Variants in LRP1B observed in about 807,000 individuals in gnomAD.
The protein encoded by LRP1B is low-density lipoprotein receptor-related protein 1B.
In LRP1B, 217 loss-of-function variants were observed where a neutral mutation model predicts 556.6. That is an observed-to-expected ratio of 0.39 (90% CI 0.35 to 0.44). The LOEUF (loss-of-function observed/expected upper bound fraction) is 0.44, where lower values mean the gene tolerates loss of function less well. LRP1B is among the 20% of genes least tolerant of loss of function. The pLI is 1.00. For synonymous variants in LRP1B, 2,047 were observed against 1,865.8 expected (o/e 1.10, Z -2.50); for missense variants, 5,053 against 5,620.8 (o/e 0.90, Z 3.23).
intron 47 of LRP1B, 27 bp from the exon 48 acceptor site, chr2:140,526,377 G>C (rs767241951): frequency 1.6e-6 from 2 of 1,271,284 alleles, no homozygotes; most frequent in Non-Finnish European, 2.3e-6. Context: ...ATAAACAAAT[G>C]CAAAGATGGG....
chr2:141,621,724 G>C, intron 2 of LRP1B, among the ~76,000 whole-genome samples: 1 of 152,164 alleles, frequency 6.6e-6, no homozygotes, highest in South Asian at 2.1e-4. Flanking sequence ...TTTTGTCAGA[G>C]ATATTTCTTT....
At chr2:140,257,781 G>A (rs541886525) in intron 86 of LRP1B, among the ~76,000 whole-genome samples, 2 of 152,284 alleles carry the variant, frequency 1.3e-5, no homozygotes, top group South Asian at 4.1e-4. Flanking sequence ...TTGAAATGTG[G>A]ACAACACTGG....
At chr2:141,687,568 G>C (rs1361723851) in intron 2 of LRP1B, among the ~76,000 whole-genome samples, 2 of 151,942 alleles carry the variant, frequency 1.3e-5, no homozygotes, top group Admixed American at 1.3e-4. Flanking sequence ...AGAGTCAGTT[G>C]AATAAAAGTT....
intron 1 of LRP1B, among the ~76,000 whole-genome samples, chr2:141,858,810 T>C (rs996831323): frequency 6.6e-6 from 1 of 152,188 alleles, no homozygotes; most frequent in Non-Finnish European, 1.5e-5. Flanking sequence ...ATAAGGAATC[T>C]GATGCTCTAA....
intron 52 of LRP1B, among the ~76,000 whole-genome samples, chr2:140,508,151 T>C (rs140297090): frequency 5.3e-5 from 8 of 152,110 alleles, no homozygotes; most frequent in Non-Finnish European, 2.9e-5. Flanking sequence ...AAAACTTAGG[T>C]GCCTTCTATT....
At chr2:140,255,148 ACC>A (rs1681620556) in intron 86 of LRP1B, among the ~76,000 whole-genome samples, 1 of 152,198 alleles carries the variant, frequency 6.6e-6, no homozygotes, top group Non-Finnish European at 1.5e-5. Context: ...TAAAACTCTT[ACC>A]AGATTTGTTT....
chr2:142,111,645 C>T (rs767584506), intron 1 of LRP1B, among the ~76,000 whole-genome samples: 15 of 152,036 alleles, frequency 9.9e-5, no homozygotes, highest in Non-Finnish European at 2.1e-4. Flanking sequence ...TATTAAACAA[C>T]CAAACAAGCA....
At chr2:141,148,357 C>T (rs1472557204) in intron 7 of LRP1B, among the ~76,000 whole-genome samples, 3 of 151,470 alleles carry the variant, frequency 2.0e-5, no homozygotes, top group African/African-American at 7.3e-5. Context: ...TGTAGATAGG[C>T]AATAATCAAT....
chr2:142,091,913 C>T (rs1706187401), intron 1 of LRP1B, among the ~76,000 whole-genome samples: 1 of 152,166 alleles, frequency 6.6e-6, no homozygotes, highest in Admixed American at 6.5e-5. Flanking sequence ...AAGGAGAGAG[C>T]TACCCTAGAC....
intron 25 of LRP1B, among the ~76,000 whole-genome samples, chr2:140,876,007 A>G (rs1416901068): frequency 6.6e-6 from 1 of 152,106 alleles, no homozygotes; most frequent in Non-Finnish European, 1.5e-5. Flanking sequence ...TCTCTTTAGA[A>G]GGTGGTTTTA....
chr2:140,943,156 T>G (rs1163128049), intron 20 of LRP1B, among the ~76,000 whole-genome samples: 1 of 152,086 alleles, frequency 6.6e-6, no homozygotes, highest in Admixed American at 6.6e-5. Flanking sequence ...TAAAATAGAC[T>G]TTAAACCAGC....
chr2:141,442,836 G>A (rs1681035265), intron 3 of LRP1B, among the ~76,000 whole-genome samples: 1 of 152,026 alleles, frequency 6.6e-6, no homozygotes, highest in African/African-American at 2.4e-5. Flanking sequence ...AAATTGACGG[G>A]CATTTGGGTT....
intron 3 of LRP1B, among the ~76,000 whole-genome samples, chr2:141,438,347 TC>T (rs1468231109): frequency 8.5e-5 from 13 of 152,144 alleles, no homozygotes; most frequent in African/African-American, 3.1e-4. Context: ...ATTCACTCAC[TC>T]ACTCATTCAT....
At chr2:140,376,332 G>A (rs1683227844) in intron 68 of LRP1B, among the ~76,000 whole-genome samples, 1 of 152,120 alleles carries the variant, frequency 6.6e-6, no homozygotes, top group Non-Finnish European at 1.5e-5. Flanking sequence ...TTGTGAATAT[G>A]ATTCAAGATA....
At chr2:140,388,225 C>A (rs1275018948) in intron 66 of LRP1B, among the ~76,000 whole-genome samples, 1 of 152,106 alleles carries the variant, frequency 6.6e-6, no homozygotes, top group Non-Finnish European at 1.5e-5. Flanking sequence ...GCGTGAGCCA[C>A]CATGCCTGGC....
At chr2:140,539,823 G>A (rs560697164) in intron 45 of LRP1B, among the ~76,000 whole-genome samples, 14 of 152,218 alleles carry the variant, frequency 9.2e-5, no homozygotes, top group African/African-American at 3.1e-4. Flanking sequence ...TTTGTGGCCC[G>A]AAATATGGAA....
intron 3 of LRP1B, among the ~76,000 whole-genome samples, chr2:141,302,721 T>C (rs916460922): frequency 6.6e-6 from 1 of 152,082 alleles, no homozygotes; most frequent in African/African-American, 2.4e-5. Flanking sequence ...AAAAAACAAA[T>C]AATACAAGTG....
At chr2:140,527,763 T>C (rs1352042) in intron 47 of LRP1B, among the ~76,000 whole-genome samples, 115,577 of 151,646 alleles carry the variant, frequency 0.76, 44,354 homozygotes, top group East Asian at 0.9. Context: ...TTTTTTTCAA[T>C]AGAAATAGTA....
At chr2:141,008,434 T>C (rs1486155394) in intron 14 of LRP1B, among the ~76,000 whole-genome samples, 1 of 151,152 alleles carries the variant, frequency 6.6e-6, no homozygotes, top group Non-Finnish European at 1.5e-5. Flanking sequence ...TATTTATAAA[T>C]AATTAGAAAT....
Sources: allele counts gnomAD v4.1 joint callset (sites outside exome capture counted in the v4.1 genomes callset), GRCh38; gene constraint gnomAD v4.1.1; transcripts MANE v1.5; gene names NCBI Gene and HGNC (gene_info 2026-07-23, HGNC 2026-07-21).